The following ST7L variants were observed in gnomAD, a reference collection of about 807,000 sequenced individuals.
ST7L encodes suppression of tumorigenicity 7 like, also known as suppressor of tumorigenicity 7 protein-like.
In ST7L, 57 loss-of-function variants were observed where a neutral mutation model predicts 72.5. The ratio of observed to expected loss-of-function variants is 0.79; its 90% CI spans 0.64 to 0.98. The LOEUF (loss-of-function observed/expected upper bound fraction) is 0.98, where lower values mean the gene tolerates loss of function less well. Among genes scored for constraint, ST7L ranks in the 50% least tolerant of loss-of-function variants. The probability of loss-of-function intolerance (pLI) is 0.00; values close to 1 mark genes in which losing one functional copy is unlikely to be tolerated. For missense variants in ST7L, 576 were observed against 672.2 expected (o/e 0.86, Z 1.58); for synonymous variants, 221 against 240.9 (o/e 0.92, Z 0.77).
At chr1:112,596,461 G>A (rs1011361376) in intron 5 of ST7L, among the ~76,000 whole-genome samples, 2 of 152,066 alleles carry the variant, frequency 1.3e-5, no homozygotes, top group African/African-American at 2.4e-5. Flanking sequence ...CCTTTGCTTC[G>A]GTTTCTTTAT....
chr1:112,619,149 GAGA>G (rs572523083), upstream of ST7L: 1,600 of 1,600,934 alleles, frequency 1.0e-3, 6 homozygotes, highest in African/African-American at 0.016. Flanking sequence ...GCTGGGAGGG[GAGA>G]AGGACAGGAA....
At chr1:112,531,064 A>G (rs907474944) in intron 14 of ST7L, among the ~76,000 whole-genome samples, 2 of 152,236 alleles carry the variant, frequency 1.3e-5, no homozygotes, top group African/African-American at 4.8e-5. Context: ...AATTCTGGGT[A>G]GCTCTTTCCT....
intron 1 of ST7L, 181 bp downstream of exon 1, chr1:112,618,728 G>T (rs11102516): frequency 2.3e-6 from 3 of 1,306,392 alleles, no homozygotes; most frequent in Non-Finnish European, 3.1e-6. Context: ...AGCCGGTAAC[G>T]GCAGCAGGCT....
intron 11 of ST7L, among the ~76,000 whole-genome samples, chr1:112,565,879 C>A (rs1333167915): frequency 6.6e-6 from 1 of 151,892 alleles, no homozygotes; most frequent in Non-Finnish European, 1.5e-5. Flanking sequence ...AGCTCCGTGG[C>A]ATGCACCTGT....
intron 3 of ST7L, among the ~76,000 whole-genome samples, chr1:112,603,256 A>G (rs1667709427): frequency 6.6e-6 from 1 of 152,212 alleles, no homozygotes; most frequent in Admixed American, 6.5e-5. Flanking sequence ...TATGGATATG[A>G]TATGCATAAT....
chr1:112,571,118 C>T (rs1043258445), intron 11 of ST7L, among the ~76,000 whole-genome samples: 12 of 152,034 alleles, frequency 7.9e-5, no homozygotes, highest in Non-Finnish European at 1.8e-4. Context: ...TGCAGTGAGC[C>T]GAGATCAGCC....
intron 1 of ST7L, chr1:112,617,951 T>C (rs1227538405): frequency 7.7e-7 from 1 of 1,291,670 alleles, no homozygotes; most frequent in East Asian, 5.6e-5. Flanking sequence ...CTAGTTATAT[T>C]TGAACTTGAT....
intron 13 of ST7L, 118 bp from the exon 14 acceptor site, chr1:112,542,208 A>G (rs1334097946): frequency 9.4e-7 from 1 of 1,061,170 alleles, no homozygotes; most frequent in Non-Finnish European, 1.3e-6. Context: ...TTAAAAAGGA[A>G]AGTCTCTGGC....
intron 2 of ST7L, among the ~76,000 whole-genome samples, chr1:112,613,466 C>T (rs1371719463): frequency 3.9e-5 from 6 of 152,152 alleles, no homozygotes; most frequent in Non-Finnish European, 5.9e-5. Flanking sequence ...TGCCTGACTT[C>T]GGAGCTTCCA....
intron 4 of ST7L, among the ~76,000 whole-genome samples, chr1:112,599,810 T>C (rs956852984): frequency 1.3e-5 from 2 of 152,248 alleles, no homozygotes; most frequent in African/African-American, 2.4e-5. Context: ...TGTATACTTA[T>C]ACGTATCACA....
intron 11 of ST7L, among the ~76,000 whole-genome samples, chr1:112,559,011 T>C (rs1414342083): frequency 6.6e-6 from 1 of 152,222 alleles, no homozygotes; most frequent in Non-Finnish European, 1.5e-5. Flanking sequence ...GAAAACTGCA[T>C]AATATTTAAA....
chr1:112,603,016 CT>C (rs1361192448), intron 3 of ST7L, among the ~76,000 whole-genome samples: 3 of 150,692 alleles, frequency 2.0e-5, no homozygotes, highest in Admixed American at 6.7e-5. Flanking sequence ...CGCCCGGCCC[CT>C]GGCAGATATT....
intron 2 of ST7L, among the ~76,000 whole-genome samples, chr1:112,614,836 G>A (rs920320115): frequency 1.3e-5 from 2 of 152,072 alleles, no homozygotes; most frequent in Non-Finnish European, 2.9e-5. Context: ...GCTATGCATG[G>A]CATAAAACTT....
intron 14 of ST7L, chr1:112,540,738 AGAATG>A: frequency 8.1e-7 from 1 of 1,239,976 alleles, no homozygotes; most frequent in South Asian, 1.4e-5. Context: ...GAAACAAGTT[AGAATG>A]GAGGCATATA....
At chr1:112,569,441 C>T (rs1661674234) in intron 11 of ST7L, among the ~76,000 whole-genome samples, 1 of 152,114 alleles carries the variant, frequency 6.6e-6, no homozygotes, top group African/African-American at 2.4e-5. Flanking sequence ...ACACAAAAGG[C>T]CACTATTATA....
chr1:112,565,429 A>G (rs557512285), intron 11 of ST7L, among the ~76,000 whole-genome samples: 1 of 152,074 alleles, frequency 6.6e-6, no homozygotes, highest in East Asian at 1.9e-4. Context: ...CTCCAGTTAT[A>G]AGGATTTACT....
chr1:112,554,226 A>G (rs1658724018), intron 12 of ST7L, among the ~76,000 whole-genome samples: 1 of 152,186 alleles, frequency 6.6e-6, no homozygotes, highest in Non-Finnish European at 1.5e-5. Context: ...CTATGGTAAA[A>G]TGTTTTAATT....
At chr1:112,523,337 A>C (rs1362633717), downstream of ST7L, 2 of 152,208 alleles carry the variant, frequency 1.3e-5, no homozygotes, top group Admixed American at 1.3e-4. Context: ...AGAAGTTTGA[A>C]AAGAGAGGTG....
At chr1:112,541,096 G>A (rs1015838981) in intron 14 of ST7L, among the ~76,000 whole-genome samples, 1 of 151,868 alleles carries the variant, frequency 6.6e-6, no homozygotes, top group African/African-American at 2.4e-5. Flanking sequence ...ACCAGCCTGG[G>A]CAACATGGCA....
Sources: gnomAD v4.1 joint callset for allele counts (sites outside exome capture counted in the v4.1 genomes callset) on GRCh38, gnomAD v4.1.1 for gene constraint, MANE v1.5 for transcripts, NCBI Gene and HGNC (gene_info 2026-07-23, HGNC 2026-07-21) for gene names.